Variants in MCC observed in about 807,000 individuals in gnomAD.
MCC encodes the protein colorectal mutant cancer protein.
MCC carries 90 observed loss-of-function variants against 116.2 expected under a neutral mutation model. That is an observed-to-expected ratio of 0.77 (90% CI 0.65 to 0.92). The LOEUF (loss-of-function observed/expected upper bound fraction) is 0.92. MCC is among the 40% of genes least tolerant of loss of function. The pLI, the probability that MCC is intolerant of heterozygous loss-of-function variation, is 0.00. For synonymous variants in MCC, 578 were observed against 510.5 expected, an observed-to-expected ratio of 1.13 and a Z score of -1.78; for missense variants, 1,516 against 1,312.2, an observed-to-expected ratio of 1.16 and a Z score of -2.40.
At chr5:113,422,165 T>C (rs1770356979) in intron 1 of MCC, among the ~76,000 whole-genome samples, 1 of 152,184 alleles carries the variant, frequency 6.6e-6, no homozygotes, top group South Asian at 2.1e-4. Context: ...ATTTCCATGG[T>C]AAATACACTC....
chr5:113,391,781 C>T (rs1022626677), intron 1 of MCC, among the ~76,000 whole-genome samples: 9 of 151,074 alleles, frequency 6.0e-5, no homozygotes, highest in East Asian at 3.9e-4. Flanking sequence ...TTCCGTGTTA[C>T]GGAAGAAATG....
intron 1 of MCC, among the ~76,000 whole-genome samples, chr5:113,413,851 T>C (rs542158576): frequency 2.0e-5 from 3 of 152,352 alleles, no homozygotes; most frequent in African/African-American, 7.2e-5. Context: ...CTAGTTCTTT[T>C]AATTGTGATG....
At chr5:113,294,832 G>A (rs1233732869) in intron 3 of MCC, 2 of 986,082 alleles carry the variant, frequency 2.0e-6, no homozygotes, top group Non-Finnish European at 2.4e-6. Context: ...GCGGTGGGGC[G>A]AGGAAGATCC....
chr5:113,467,877 T>A (rs1266870787), intron 1 of MCC, among the ~76,000 whole-genome samples: 7 of 152,216 alleles, frequency 4.6e-5, no homozygotes, highest in African/African-American at 9.7e-5. Flanking sequence ...TGGTTTGTAG[T>A]TCTCCTTGAA....
chr5:113,204,786 T>C (rs1324393971), intron 3 of MCC, among the ~76,000 whole-genome samples: 3 of 152,246 alleles, frequency 2.0e-5, no homozygotes, highest in African/African-American at 7.2e-5. Context: ...TATTACCTTT[T>C]GCCATTTGTC....
At chr5:113,165,980 A>G (rs1443698) in intron 3 of MCC, among the ~76,000 whole-genome samples, 148,479 of 149,894 alleles carry the variant, frequency 0.99, 73,547 homozygotes, top group Middle Eastern at 1. Context: ...GGGAGGGGGC[A>G]GGGAATGAAG....
In MCC at chr5:113,451,618, C is replaced by T. The variant is rs1408255942; in HGVS notation, c.170+36627G>A. ...GCATGGTGGCGCATGCCTGTAATCC[C>T]AGATACTCAGGAGGCTGAGGCAGGA... On this transcript the variant is annotated intron_variant, in intron 1 of 18. Coordinates refer to ENST00000408903, the MANE Select transcript of MCC (RefSeq NM_001085377.2). Among the ~76,000 whole-genome samples the T allele has an allele frequency of 2.0e-5, 3 of 152,160 alleles. No homozygotes were observed. The East Asian group carries it at 5.8e-4, about 29-fold the overall frequency.
chr5:113,297,425 G>A (rs2150363591), intron 3 of MCC, among the ~76,000 whole-genome samples: 1 of 152,184 alleles, frequency 6.6e-6, no homozygotes, highest in East Asian at 1.9e-4. Context: ...AATTAGCTGG[G>A]CGTGGTGGCA....
chr5:113,403,058 G>T (rs1168406086), intron 1 of MCC, among the ~76,000 whole-genome samples: 1 of 152,066 alleles, frequency 6.6e-6, no homozygotes, highest in Non-Finnish European at 1.5e-5. Flanking sequence ...CAATTTGGCA[G>T]CATCTTGTAC....
At chr5:113,135,396 T>C (rs1489169656) in intron 5 of MCC, among the ~76,000 whole-genome samples, 2 of 8,096 alleles carry the variant, frequency 2.5e-4, no homozygotes, top group Non-Finnish European at 3.3e-3. Flanking sequence ...CTACTAAAAA[T>C]ACAAAAAAAA....
chr5:113,155,326 A>T (rs1760112509), intron 3 of MCC, among the ~76,000 whole-genome samples: 1 of 152,182 alleles, frequency 6.6e-6, no homozygotes, highest in African/African-American at 2.4e-5. Flanking sequence ...GGCTATTGTA[A>T]ACAGTGCTGC....
intron 3 of MCC, among the ~76,000 whole-genome samples, chr5:113,201,496 C>T (rs1180272750): frequency 6.6e-6 from 1 of 152,060 alleles, no homozygotes; most frequent in Admixed American, 6.5e-5. Context: ...ATCCATGGCT[C>T]CTTCTTGGTG....
At chr5:113,430,446 T>C (rs148430138) in intron 1 of MCC, among the ~76,000 whole-genome samples, 46 of 152,288 alleles carry the variant, frequency 3.0e-4, no homozygotes, top group African/African-American at 1.1e-3. Flanking sequence ...GCCTCTATTC[T>C]CTCTGCAACA....
chr5:113,263,652 T>C (rs1765296491), intron 3 of MCC, among the ~76,000 whole-genome samples: 1 of 152,162 alleles, frequency 6.6e-6, no homozygotes, highest in Non-Finnish European at 1.5e-5. Flanking sequence ...CTCTGAAAAG[T>C]AAAAGCTATA....
chr5:113,175,911 A>C (rs1761309720), intron 3 of MCC, among the ~76,000 whole-genome samples: 1 of 152,078 alleles, frequency 6.6e-6, no homozygotes, highest in African/African-American at 2.4e-5. Context: ...AAAAGTTTGA[A>C]AACTACTGCC....
chr5:113,393,856 T>G (rs960250365), intron 1 of MCC, among the ~76,000 whole-genome samples: 1 of 152,206 alleles, frequency 6.6e-6, no homozygotes, highest in African/African-American at 2.4e-5. Context: ...CATCTCTGTA[T>G]GAAAGGTCCA....
intron 3 of MCC, among the ~76,000 whole-genome samples, chr5:113,198,561 G>A (rs1056845101): frequency 2.6e-5 from 4 of 151,238 alleles, no homozygotes; most frequent in African/African-American, 9.7e-5. Flanking sequence ...AAAAATAGCC[G>A]GGCATGATGG....
At chr5:113,440,889 C>T (rs993550519) in intron 1 of MCC, among the ~76,000 whole-genome samples, 10 of 152,212 alleles carry the variant, frequency 6.6e-5, no homozygotes, top group African/African-American at 2.4e-4. Context: ...TTTATATTAC[C>T]GCTGGAATCA....
At chr5:113,432,127 T>C (rs1304552780) in intron 1 of MCC, among the ~76,000 whole-genome samples, 1 of 149,682 alleles carries the variant, frequency 6.7e-6, no homozygotes, top group Non-Finnish European at 1.5e-5. Context: ...AGAGCGAGAC[T>C]CCGTCTCAAA....
Sources: allele counts gnomAD v4.1 joint callset (sites outside exome capture counted in the v4.1 genomes callset), GRCh38; gene constraint gnomAD v4.1.1; transcripts MANE v1.5; gene names NCBI Gene and HGNC (gene_info 2026-07-23, HGNC 2026-07-21).